The following SYNE1 variants were observed in gnomAD, a reference collection of about 807,000 sequenced individuals.
SYNE1 encodes the protein spectrin repeat containing nuclear envelope protein 1.
SYNE1 carries 616 observed loss-of-function variants against 1,111.0 expected under a neutral mutation model. The observed-to-expected ratio is 0.55, with a 90% CI of 0.52 to 0.59. The LOEUF (loss-of-function observed/expected upper bound fraction) is 0.59. SYNE1 is among the 20% of genes least tolerant of loss of function. The pLI is 0.00. For synonymous variants in SYNE1, 3,855 were observed against 3,825.8 expected (o/e 1.01, Z -0.28); for missense variants, 10,006 against 10,417.0 (o/e 0.96, Z 1.72).
At chr6:152,382,652 T>C (rs2097442207) in intron 55 of SYNE1, among the ~76,000 whole-genome samples, 1 of 152,204 alleles carries the variant, frequency 6.6e-6, no homozygotes, top group South Asian at 2.1e-4. Flanking sequence ...TAGTAGTTAT[T>C]TGATGAAGAA....
intron 125 of SYNE1, among the ~76,000 whole-genome samples, chr6:152,206,795 C>T (rs962612485): frequency 2.0e-5 from 3 of 152,050 alleles, no homozygotes; most frequent in East Asian, 1.9e-4. Flanking sequence ...AATGAGGATG[C>T]GCACATTCAC....
chr6:152,465,237 T>C (rs1465108533), intron 18 of SYNE1, 21 bp downstream of exon 18: 2 of 1,612,942 alleles, frequency 1.2e-6, no homozygotes, highest in South Asian at 2.2e-5. Flanking sequence ...CGTCTTTTCT[T>C]TTTGCATGAA....
chr6:152,513,095 T>A (rs929667501), intron 6 of SYNE1, among the ~76,000 whole-genome samples: 1 of 152,206 alleles, frequency 6.6e-6, no homozygotes, highest in African/African-American at 2.4e-5. Flanking sequence ...CTCTGGAAAG[T>A]GTCTTAAAAC....
Position 152,326,059 on chromosome 6 carries a change from C to T in SYNE1, c.15337G>A (p.Val5113Ile), listed in dbSNP as rs139170018. 1,526 of 1,614,152 alleles carry T rather than the reference C, an allele frequency of 9.5e-4. No individual in the cohort carries two copies. Among genetic ancestry groups the T allele is most frequent in the Non-Finnish European group, 1.1e-3 (1,305 of 1,180,032 alleles). ...WHDYQKAREE[V>I]IELMNDTEKK... ...TCTGTATCATTCATCAATTCAATAA[C>T]CTCTTCCCTTGCTTTCTGGTAATCG... Residue 5113 changes from valine to isoleucine, a missense_variant, in exon 80 of 146, where the codon GTT (valine) becomes ATT (isoleucine). This residue lies in a region of SYNE1 where 4,955 missense variants were observed against 5,017.2 expected (regional missense o/e 0.99). Transcript: ENST00000367255.
intron 3 of SYNE1, among the ~76,000 whole-genome samples, chr6:152,602,645 T>C (rs1038291582): frequency 6.6e-6 from 1 of 152,250 alleles, no homozygotes; most frequent in Non-Finnish European, 1.5e-5. Flanking sequence ...TCTGATTATA[T>C]GTGTTTTTGT....
chr6:152,324,074 A>C (rs1401105100), intron 81 of SYNE1, among the ~76,000 whole-genome samples: 3 of 152,364 alleles, frequency 2.0e-5, no homozygotes, highest in Non-Finnish European at 4.4e-5. Flanking sequence ...ATAAAGGAAA[A>C]TAATGGCTTA....
At position 152,401,240 on chromosome 6, in the gene SYNE1, C is replaced by A; in HGVS notation, c.6927G>T (p.Val2309=). The A allele has an allele frequency of 6.2e-7, 1 of 1,614,148 alleles. No homozygotes were observed. Residue 2309 remains valine (V), a synonymous_variant, in exon 47 of 146, where the codon GTG becomes GTT. Transcript: ENST00000367255. ...TTGTTATGTCATTAATAAACTTCTCCACTTGTGTACTTTGAGCCGTGAAAT... is the reference window on the plus strand; with the variant it reads ...TTGTTATGTCATTAATAAACTTCTCAACTTGTGTACTTTGAGCCGTGAAAT... ...LKDFTAQSTQ[V]EKFINDITTW... is the part of the protein sequence containing the mutation.
At chr6:152,278,811 A>G (rs2093820844) in intron 97 of SYNE1, among the ~76,000 whole-genome samples, 1 of 151,884 alleles carries the variant, frequency 6.6e-6, no homozygotes, top group Non-Finnish European at 1.5e-5. Context: ...TCTGTTGCCC[A>G]GGCTGGAGTG....
rs749924709 is a variant in SYNE1, at chr6:152,396,815, C to G, written c.7516G>C (p.Asp2506His). 6.2e-7 allele frequency: 1 copy of G among 1,614,170 alleles called. No homozygotes were observed. The highest frequency in any genetic ancestry group is 8.5e-7 in the Non-Finnish European group (1 of 1,180,010). Residue 2506 changes from aspartate (D) to histidine (H), a missense_variant, in exon 50 of 146, where the codon GAT becomes CAT. Asp to His is a moderately conservative substitution (Grantham distance 81, BLOSUM62 -1). This residue lies in a region of SYNE1 where 4,955 missense variants were observed against 5,017.2 expected (regional missense o/e 0.99). Coordinates refer to ENST00000367255, the MANE Select transcript of SYNE1 (RefSeq NM_182961.4). ...FQAFLKQCLK[D>H]KQALQDCASE... Reference sequence around the variant, plus strand: ...GCACAGTCTTGAAGAGCCTGCTTATCTTTAAGGCATTGTTTCAGAAATGCT... The same window carrying G: ...GCACAGTCTTGAAGAGCCTGCTTATGTTTAAGGCATTGTTTCAGAAATGCT...
In SYNE1 at chr6:152,330,394, C is replaced by T. The variant is rs745701031; in HGVS notation, c.14291G>A (p.Arg4764Gln). Residue 4764 changes from arginine to glutamine, a missense_variant, in exon 78 of 146, where the codon CGA becomes CAA. Arg to Gln is a conservative substitution (Grantham distance 43, BLOSUM62 1). This residue lies in a region of SYNE1 where 4,955 missense variants were observed against 5,017.2 expected (regional missense o/e 0.99). Coordinates refer to ENST00000367255, the MANE Select transcript of SYNE1 (RefSeq NM_182961.4). ...HLVTLYHRLK[R>Q]QTEQRVSLLE... ...TAAGCTAACCCTCTGTTCTGTTTGTCGCTTCAGCCTGTGATATAAGGTGAC... is the reference window on the plus strand; with the variant it reads ...TAAGCTAACCCTCTGTTCTGTTTGTTGCTTCAGCCTGTGATATAAGGTGAC... The T allele has an allele frequency of 2.8e-5, 45 of 1,613,938 alleles. No homozygotes were observed. The highest frequency in any genetic ancestry group is 4.0e-5 in the African/African-American group (3 of 74,894).
chr6:152,405,062 G>C (rs214954), intron 45 of SYNE1: 75,671 of 152,138 alleles, frequency 0.5, 20,356 homozygotes, highest in East Asian at 0.75. Flanking sequence ...AGCTGTCAGG[G>C]CCTCTGGCTT....
chr6:152,387,538 C>A (rs1177446411), intron 53 of SYNE1, among the ~76,000 whole-genome samples, 157 bp from the exon 54 acceptor site: 1 of 152,202 alleles, frequency 6.6e-6, no homozygotes, highest in Non-Finnish European at 1.5e-5. Flanking sequence ...CACTACTTCT[C>A]TGATCCATAA....
In SYNE1 at chr6:152,376,438, C is replaced by T; in HGVS notation, c.9267G>A (p.Lys3089=). 6.2e-7 allele frequency: 1 copy of T among 1,614,196 alleles called. No homozygotes were observed. The highest frequency in any genetic ancestry group is 1.1e-5 in the South Asian group (1 of 91,086). The change falls in exon 58 of 146, where the codon AAG becomes AAA. Residue 3089 remains lysine, a synonymous_variant. Coordinates refer to ENST00000367255, the MANE Select transcript of SYNE1 (RefSeq NM_182961.4). ...TTATATTTTGAGGTATATCAAAACA[C>T]TTGGCGGTAGTGATTTTTGCATTAA... ...WLVNAKITTA[K]CFDIPQNISE...
At chr6:152,603,848 T>TGC (rs2099602485) in intron 3 of SYNE1, among the ~76,000 whole-genome samples, 1 of 94,810 alleles carries the variant, frequency 1.1e-5, no homozygotes, top group Admixed American at 9.3e-5. Flanking sequence ...TATCTATACA[T>TGC]ATATGTATAT....
At chr6:152,530,386 C>A (rs1190507886) in intron 4 of SYNE1, among the ~76,000 whole-genome samples, 1 of 152,034 alleles carries the variant, frequency 6.6e-6, no homozygotes, top group Non-Finnish European at 1.5e-5. Flanking sequence ...AGTGTCTCCC[C>A]ACTCCCACTC....
intron 83 of SYNE1, 63 bp from the exon 84 acceptor site, chr6:152,321,453 G>A (rs907349630): frequency 2.3e-5 from 36 of 1,568,930 alleles, no homozygotes; most frequent in Non-Finnish European, 3.0e-5. Flanking sequence ...TATAGACAAG[G>A]CTGTATATTT....
At chr6:152,269,054 G>A in intron 99 of SYNE1, 101 bp downstream of exon 99, 1 of 1,557,488 alleles carries the variant, frequency 6.4e-7, no homozygotes, top group Non-Finnish European at 8.8e-7. Flanking sequence ...GAGACACTCT[G>A]TCTTTAGTAC....
chr6:152,338,453 C>A (rs1221827301), intron 75 of SYNE1, among the ~76,000 whole-genome samples: 1 of 152,036 alleles, frequency 6.6e-6, no homozygotes, highest in African/African-American at 2.4e-5. Context: ...GAAGCCCTGT[C>A]TCTACAAAAA....
At chr6:152,554,093 CA>C (rs1477391000) in intron 3 of SYNE1, among the ~76,000 whole-genome samples, 5 of 151,994 alleles carry the variant, frequency 3.3e-5, no homozygotes, top group African/African-American at 1.2e-4. Flanking sequence ...CAGCAGGCAA[CA>C]TTTGGAGAGC....
Sources: allele counts gnomAD v4.1 joint callset (sites outside exome capture counted in the v4.1 genomes callset), GRCh38; gene constraint gnomAD v4.1.1; regional missense constraint gnomAD v4.1.1; transcripts MANE v1.5; gene names NCBI Gene and HGNC (gene_info 2026-07-23, HGNC 2026-07-21).